The following MTMR6 variants were observed in gnomAD, a reference collection of about 807,000 sequenced individuals.
MTMR6 encodes the protein myotubularin related protein 6.
In MTMR6, 47 loss-of-function variants were observed where a neutral mutation model predicts 80.1. The observed-to-expected ratio is 0.59, with a 90% CI of 0.46 to 0.75. The LOEUF (loss-of-function observed/expected upper bound fraction) is 0.75. Among genes scored for constraint, MTMR6 ranks in the 30% least tolerant of loss-of-function variants. MTMR6 has a pLI of 0.00. For synonymous variants in MTMR6, 254 were observed against 253.0 expected, an observed-to-expected ratio of 1.00 and a Z score of -0.04; for missense variants, 629 against 730.9, an observed-to-expected ratio of 0.86 and a Z score of 1.61.
Position 25,250,421 on chromosome 13 carries a change from T to A in MTMR6, c.1606-929A>T, listed in dbSNP as rs565209221. On this transcript the variant is annotated intron_variant, in intron 13 of 13. Coordinates refer to ENST00000381801, the MANE Select transcript of MTMR6 (RefSeq NM_004685.5). ...TGGACAAAACCATTTGTAATATATA[T>A]AACTAACAAAGAATTAGTGCCTGGC... 4.5e-4 allele frequency among the ~76,000 whole-genome samples: 68 copies of A among 152,240 alleles called. 1 individual carries two copies. The highest frequency in any genetic ancestry group is 1.6e-3 in the African/African-American group (66 of 41,552).
intron 6 of MTMR6, among the ~76,000 whole-genome samples, chr13:25,261,080 G>A (rs901367961): frequency 3.2e-4 from 48 of 151,812 alleles, no homozygotes; most frequent in African/African-American, 1.1e-3. Context: ...AACTGAGGTG[G>A]GCGGATCACT....
rs756636090 is a variant in MTMR6, at chr13:25,274,198, A to C, written c.25-11T>G. 1.3e-6 allele frequency: 2 copies of C among 1,518,942 alleles called. No homozygotes were observed. Among genetic ancestry groups the C allele is most frequent in the Non-Finnish European group, 1.8e-6 (2 of 1,102,256 alleles). The allele number at this position is 1,518,942 out of a possible 1,614,324, so 94.1% of individuals were successfully genotyped here. On this transcript the variant is annotated splice_polypyrimidine_tract_variant and intron_variant, in intron 1 of 13. Transcript: ENST00000381801. ...TTTTACTTGTTCGACCTAAAAGAAA[A>C]AAAGATATTATTTCTCATTTCAAAA...
At chr13:25,258,994 AAAAG>A (rs1375545102) in intron 6 of MTMR6, among the ~76,000 whole-genome samples, 20 of 152,322 alleles carry the variant, frequency 1.3e-4, no homozygotes, top group African/African-American at 4.1e-4. Flanking sequence ...TTTAAAATTA[AAAAG>A]AAAGAAATGT....
At chr13:25,275,385 G>A (rs1443891999) in intron 1 of MTMR6, among the ~76,000 whole-genome samples, 2 of 152,016 alleles carry the variant, frequency 1.3e-5, no homozygotes, top group Admixed American at 1.3e-4. Context: ...TTGTGCCACT[G>A]CACTCCAGCC....
chr13:25,255,358 T>C (rs891511347), intron 9 of MTMR6, among the ~76,000 whole-genome samples: 11 of 152,244 alleles, frequency 7.2e-5, no homozygotes, highest in African/African-American at 1.2e-4. Flanking sequence ...GTTTAAAGCA[T>C]AACTCAATAT....
chr13:25,286,295 A>G (rs1200576141), intron 1 of MTMR6, among the ~76,000 whole-genome samples: 7 of 152,200 alleles, frequency 4.6e-5, no homozygotes, highest in Admixed American at 2.0e-4. Context: ...GGTTCCCTAA[A>G]TGAGCCGTAA....
At chr13:25,272,547 T>C (rs919617154) in intron 2 of MTMR6, among the ~76,000 whole-genome samples, 1 of 152,192 alleles carries the variant, frequency 6.6e-6, no homozygotes, top group Non-Finnish European at 1.5e-5. Flanking sequence ...GCCCAGACAG[T>C]GAACACAGTA....
chr13:25,249,394 C>T lies in MTMR6; in HGVS notation c.1704G>A (p.Leu568=). The T allele has an allele frequency of 1.2e-6, 2 of 1,614,096 alleles. No individual in the cohort carries two copies. Among genetic ancestry groups the T allele is most frequent in the Non-Finnish European group, 1.7e-6 (2 of 1,179,986 alleles). Reference sequence around the variant, plus strand: ...GTAGCAGAGTCTGCTCTTTAAAACACAGGGAAGTTTTGAGGTTAGGTGATT... The same window carrying T: ...GTAGCAGAGTCTGCTCTTTAAAACATAGGGAAGTTTTGAGGTTAGGTGATT... ...HPESPNLKTS[L]CFKEQTLLPV... Residue 568 remains leucine (L), a synonymous_variant, in exon 14 of 14, where the codon CTG becomes CTA. Coordinates refer to ENST00000381801, the MANE Select transcript of MTMR6 (RefSeq NM_004685.5).
At chr13:25,280,523 C>A (rs553686406) in intron 1 of MTMR6, among the ~76,000 whole-genome samples, 1 of 152,146 alleles carries the variant, frequency 6.6e-6, no homozygotes, top group Non-Finnish European at 1.5e-5. Context: ...AAATTTCAAA[C>A]CACAGACTTA....
In MTMR6 at chr13:25,254,489, G is replaced by C; in HGVS notation, c.1096-55C>G. On this transcript the variant is annotated intron_variant, in intron 9 of 13. Coordinates refer to ENST00000381801, the MANE Select transcript of MTMR6 (RefSeq NM_004685.5). Reference sequence around the variant, plus strand: ...TGACTACTTTCAATTATTTTGTTTAGGCTGGATTAAATCTTATTAGTTTAA... The same window carrying C: ...TGACTACTTTCAATTATTTTGTTTACGCTGGATTAAATCTTATTAGTTTAA... 3 of 1,155,364 alleles carry C rather than the reference G, an allele frequency of 2.6e-6. No individual in the cohort carries two copies. The South Asian group carries it at 3.9e-5, about 15-fold the overall frequency. The allele number at this position is 1,155,364 out of a possible 1,614,324, so 71.6% of individuals were successfully genotyped here. A position where few individuals can be genotyped will look rare whatever the true frequency, so the allele number is the denominator to read the frequency against.
intron 1 of MTMR6, among the ~76,000 whole-genome samples, chr13:25,285,535 GCTTT>G (rs1957938873): frequency 6.7e-6 from 1 of 150,138 alleles, no homozygotes; most frequent in Non-Finnish European, 1.5e-5. Context: ...ACCCCACCCG[GCTTT>G]CTTTTTTTTT....
rs762424265 is a variant in MTMR6 at position 25,253,972 on chromosome 13, C to T, written c.1146-8G>A. 3 of 1,613,834 alleles carry T rather than the reference C, an allele frequency of 1.9e-6. No individual in the cohort carries two copies. Among genetic ancestry groups the T allele is most frequent in the Non-Finnish European group, 2.5e-6 (3 of 1,179,790 alleles). ...CCATCCAACTGGCCACACCTAACCCCACAGAAAGTATAAGCTTTTAAAAAC... is the reference window on the plus strand; with the variant it reads ...CCATCCAACTGGCCACACCTAACCCTACAGAAAGTATAAGCTTTTAAAAAC... On this transcript the variant is annotated splice_polypyrimidine_tract_variant and splice_region_variant and intron_variant, in intron 10 of 13. Coordinates refer to ENST00000381801, the MANE Select transcript of MTMR6 (RefSeq NM_004685.5).
At position 25,265,868 on chromosome 13, in the gene MTMR6, C is replaced by T. The variant is rs760490843; in HGVS notation, c.542G>A (p.Arg181Gln). The T allele has an allele frequency of 4.3e-6, 7 of 1,613,924 alleles. No homozygotes were observed. The African/African-American group carries it at 5.3e-5, about 12-fold the overall frequency. ...AAGAACTGGGAATCTTCCCTTGCTC[C>T]GGAACTTGGAACTACCAACAATTAT... ...KPIIVGSSKF[R>Q]SKGRFPVLSY... Residue 181 changes from arginine to glutamine, a missense_variant, in exon 5 of 14, where the codon CGG becomes CAG. Coordinates refer to ENST00000381801, the MANE Select transcript of MTMR6 (RefSeq NM_004685.5).
chr13:25,258,887 G>A (rs1202099195), intron 6 of MTMR6, among the ~76,000 whole-genome samples, 195 bp from the exon 7 acceptor site: 1 of 152,102 alleles, frequency 6.6e-6, no homozygotes. Flanking sequence ...AGATAATAAA[G>A]TAATACGATT....
At chr13:25,284,902 A>C (rs9507492) in intron 1 of MTMR6, among the ~76,000 whole-genome samples, 141,306 of 152,266 alleles carry the variant, frequency 0.93, 66,473 homozygotes, top group East Asian at 1. Context: ...AGGTACCTAG[A>C]AAATATTTAT....
rs771448432 is a variant in MTMR6, at chr13:25,252,002, AAC to A, written c.1347-20_1347-19del. The A allele has an allele frequency of 3.1e-6, 5 of 1,603,324 alleles. No homozygotes were observed. Among genetic ancestry groups the A allele is most frequent in the East Asian group, 2.2e-5 (1 of 44,754 alleles). On this transcript the variant is annotated intron_variant, in intron 11 of 13. Transcript: ENST00000381801. ...CCTTCAACCTTAATATAATGAGAAAAACACAGAGATCTTTCCTATAGATGCAA... is the reference window on the plus strand; with the variant it reads ...CCTTCAACCTTAATATAATGAGAAAAACAGAGATCTTTCCTATAGATGCAA...
Position 25,251,774 on chromosome 13 carries a change from A to G in MTMR6, c.1480T>C (p.Phe494Leu). The G allele has an allele frequency of 2.5e-6, 4 of 1,606,922 alleles. No individual in the cohort carries two copies. Among genetic ancestry groups the G allele is most frequent in the Non-Finnish European group, 3.4e-6 (4 of 1,177,518 alleles). The change falls in exon 13 of 14, where the codon TTT becomes CTT. Residue 494 changes from phenylalanine (F) to leucine (L), a missense_variant and splice_region_variant. By Grantham distance (22) the Phe-to-Leu change is conservative. Coordinates refer to ENST00000381801, the MANE Select transcript of MTMR6 (RefSeq NM_004685.5). The surrounding 1 kb of genome is among the most constrained non-coding windows in gnomAD (Gnocchi z 4.1). ...AATTGATGGTACATGTTCCTCCAAA[A>G]CCTTTATGACAAAAAAAAGTTTCAA... ...EPNTVSFNFK[F>L]WRNMYHQFDR...
intron 6 of MTMR6, 110 bp from the exon 7 acceptor site, chr13:25,258,802 A>G (rs1421163852): frequency 6.0e-6 from 5 of 831,418 alleles, no homozygotes; most frequent in Non-Finnish European, 8.6e-6. Flanking sequence ...GTTTAAAGGA[A>G]CTCATCAAAA....
rs145652091 is a variant in MTMR6, at chr13:25,270,221, G to T, written c.142-2280C>A. 9.8e-3 allele frequency among the ~76,000 whole-genome samples: 1,486 copies of T among 152,220 alleles called. 27 individuals are homozygous for T. Among genetic ancestry groups the T allele is most frequent in the African/African-American group, 0.032 (1,339 of 41,532 alleles). On this transcript the variant is annotated intron_variant, in intron 2 of 13. Transcript: ENST00000381801. ...CCAAAAGTATTTGCAGGAAGAAAAT[G>T]ATGAAGAAACCTGGTCCTACCACTA...
Sources: gnomAD v4.1 joint callset for allele counts (sites outside exome capture counted in the v4.1 genomes callset) on GRCh38, gnomAD v4.1.1 for gene constraint, Gnocchi (gnomAD v3.1) non-coding constraint, MANE v1.5 for transcripts, NCBI Gene and HGNC (gene_info 2026-07-23, HGNC 2026-07-21) for gene names.